Variants in OR8B2 observed in about 807,000 individuals in gnomAD.
OR8B2 encodes the protein olfactory receptor family 8 subfamily B member 2.
For synonymous variants in OR8B2, 98 were observed against 138.2 expected, an observed-to-expected ratio of 0.71 and a Z score of 2.04; for missense variants, 304 against 379.6, an observed-to-expected ratio of 0.80 and a Z score of 1.65.
Position 124,382,758 on chromosome 11 carries a change from C to G in OR8B2, c.586G>C (p.Glu196Gln), listed in dbSNP as rs775586913. 1.2e-6 allele frequency: 2 copies of G among 1,613,748 alleles called. No homozygotes were observed. Among genetic ancestry groups the G allele is most frequent in the Non-Finnish European group, 1.7e-6 (2 of 1,179,770 alleles). ...CCCACAACAATGAGAACAACCACCT[C>G]GTTGACATAGGTGCTGGTGCAGGAA... ...QLSCTSTYVN[E>Q]VVVLIVVGTN... Residue 196 changes from glutamate to glutamine, a missense_variant, in exon 2 of 2, where the codon GAG (glutamate) becomes CAG (glutamine). Glu to Gln is a conservative substitution (Grantham distance 29). Coordinates refer to ENST00000641451, the MANE Select transcript of OR8B2 (RefSeq NM_001005468.2).
the OR8B2 span, among the ~76,000 whole-genome samples, chr11:124,392,298 A>G: frequency 7.9e-6 from 1 of 126,636 alleles, no homozygotes; most frequent in East Asian, 2.2e-4. Flanking sequence ...AAGGGTATGC[A>G]ATTAGGAAAA....
chr11:124,386,354 C>A (rs1860700169), upstream of OR8B2, among the ~76,000 whole-genome samples: 1 of 144,062 alleles, frequency 6.9e-6, no homozygotes, highest in Non-Finnish European at 1.5e-5. Context: ...TGTGCTGCAC[C>A]CATTAACTCC....
At chr11:124,385,505 TGTGTG>T (rs1860683825), upstream of OR8B2, among the ~76,000 whole-genome samples, 3 of 151,658 alleles carry the variant, frequency 2.0e-5, no homozygotes, top group Non-Finnish European at 2.9e-5. Context: ...TGTGTGTGTG[TGTGTG>T]TGTGTGTGTG....
At chr11:124,393,762 C>T in the OR8B2 span, among the ~76,000 whole-genome samples, 10 of 151,878 alleles carry the variant, frequency 6.6e-5, no homozygotes, top group South Asian at 8.3e-4. Flanking sequence ...TGGGTATATA[C>T]CCAAAGGACT....
the OR8B2 span, chr11:124,396,427 T>C: frequency 1.2e-6 from 2 of 1,600,480 alleles, no homozygotes; most frequent in Admixed American, 1.8e-5. Flanking sequence ...ATATTTCTTC[T>C]CTGAATTTTA....
At chr11:124,395,441 A>T in the OR8B2 span, 1 of 152,226 alleles carries the variant, frequency 6.6e-6, no homozygotes, top group African/African-American at 2.4e-5. Flanking sequence ...TGTTGGTGAG[A>T]TGATAAAGTT....
chr11:124,396,954 T>C, the OR8B2 span: 1 of 1,612,490 alleles, frequency 6.2e-7, no homozygotes, highest in Non-Finnish European at 8.5e-7. Flanking sequence ...CATGGTGACC[T>C]TATACAGCAA....
At chr11:124,383,927 T>C (rs1020935195) in intron 1 of OR8B2, among the ~76,000 whole-genome samples, 4 of 152,186 alleles carry the variant, frequency 2.6e-5, no homozygotes, top group African/African-American at 9.6e-5. Flanking sequence ...TAAGTGTTTC[T>C]ACACATTCTC....
the OR8B2 span, among the ~76,000 whole-genome samples, chr11:124,392,111 C>T: frequency 1.0e-4 from 12 of 120,384 alleles, no homozygotes; most frequent in Admixed American, 3.3e-4. Context: ...TGGGACGTAT[C>T]TCAAAATAAT....
upstream of OR8B2, among the ~76,000 whole-genome samples, chr11:124,385,482 T>G (rs1046039819): frequency 7.7e-6 from 1 of 129,226 alleles, no homozygotes; most frequent in African/African-American, 2.9e-5. Context: ...TATTCAGCAA[T>G]TTAACATGCG....
At chr11:124,392,153 A>T in the OR8B2 span, among the ~76,000 whole-genome samples, 2 of 112,954 alleles carry the variant, frequency 1.8e-5, 1 homozygote, top group Non-Finnish European at 3.5e-5. Context: ...CACAGCCAAT[A>T]TCATACTGAA....
At chr11:124,384,934 T>C (rs549195076), upstream of OR8B2, among the ~76,000 whole-genome samples, 4 of 152,336 alleles carry the variant, frequency 2.6e-5, no homozygotes, top group East Asian at 5.8e-4. Flanking sequence ...TTAACAAGTA[T>C]GTATGTATAA....
Position 124,382,715 on chromosome 11 carries a change from G to A in OR8B2, c.629C>T (p.Pro210Leu), listed in dbSNP as rs764753815. Residue 210 changes from proline (P) to leucine (L), a missense_variant, in exon 2 of 2, where the codon CCC (proline) becomes CTC (leucine). By Grantham distance (98) the Pro-to-Leu change is moderately conservative. Transcript: ENST00000641451. ...LIVVGTNITV[P>L]SCTILISYVF... Reference sequence around the variant, plus strand: ...ATAAGAAATGAGGATGGTACAACTGGGTACCGTGATATTAGTACCCACAAC... The same window carrying A: ...ATAAGAAATGAGGATGGTACAACTGAGTACCGTGATATTAGTACCCACAAC... 2 of 1,613,832 alleles carry A rather than the reference G, an allele frequency of 1.2e-6. No homozygotes were observed. The highest frequency in any genetic ancestry group is 3.3e-5 in the Admixed American group (2 of 59,980).
chr11:124,396,558 C>G, the OR8B2 span: 2 of 1,613,322 alleles, frequency 1.2e-6, no homozygotes, highest in South Asian at 2.2e-5. Context: ...CTCCATAGAT[C>G]CAGAAGAATA....
chr11:124,390,061 T>C, the OR8B2 span, among the ~76,000 whole-genome samples: 25 of 152,148 alleles, frequency 1.6e-4, no homozygotes, highest in African/African-American at 4.1e-4. Context: ...CTTGAATTAA[T>C]TGAGGTATGG....
chr11:124,382,698 TG>T lies in OR8B2; in HGVS notation c.645del (p.Ile216PhefsTer76). On this transcript the variant is annotated frameshift_variant, in exon 2 of 2. Transcript: ENST00000641451. LOFTEE classifies it low-confidence loss of function (END_TRUNC). Reference protein sequence around the residue: ...TNITVPSCTILISYVFIVTSI... With the variant: ...TNITVPSCTIXISYVFIVTSI... The stretch of plus-strand genomic sequence containing the variant: ...CTAGTGACAATGAAAACATAAGAAA[TG>T]AGGATGGTACAACTGGGTACCGTGA... 1 of 1,613,626 alleles carries T rather than the reference TG, an allele frequency of 6.2e-7. No individual in the cohort carries two copies. The highest frequency in any genetic ancestry group is 2.2e-5 in the East Asian group (1 of 44,888).
chr11:124,384,251 TGA>T, intron 1 of OR8B2, 121 bp downstream of exon 1: 1 of 152,174 alleles, frequency 6.6e-6, no homozygotes, highest in Non-Finnish European at 1.5e-5. Flanking sequence ...GAGAACAGTG[TGA>T]GAAAAATGCA....
At chr11:124,394,959 T>C in the OR8B2 span, among the ~76,000 whole-genome samples, 1 of 152,262 alleles carries the variant, frequency 6.6e-6, no homozygotes, top group African/African-American at 2.4e-5. Context: ...CCCAGCACTT[T>C]GGGAGGATGA....
At chr11:124,396,724 G>A in the OR8B2 span, 1 of 1,613,922 alleles carries the variant, frequency 6.2e-7, no homozygotes, top group Non-Finnish European at 8.5e-7. Context: ...GTACAACTGG[G>A]TACCATGATA....
Sources: gnomAD v4.1 joint callset for allele counts (sites outside exome capture counted in the v4.1 genomes callset) on GRCh38, gnomAD v4.1.1 for gene constraint, MANE v1.5 for transcripts, NCBI Gene and HGNC (gene_info 2026-07-23, HGNC 2026-07-21) for gene names.